FGD5: variants seen among roughly 807,000 people sequenced by gnomAD.
FGD5 encodes the protein FYVE, RhoGEF and PH domain-containing protein 5.
In FGD5, 28 loss-of-function variants were observed where a neutral mutation model predicts 133.4. The observed-to-expected ratio is 0.21, with a 90% confidence interval of 0.16 to 0.29. The LOEUF (loss-of-function observed/expected upper bound fraction) is 0.29, where lower values mean the gene tolerates loss of function less well. Among genes scored for constraint, FGD5 ranks in the 10% least tolerant of loss-of-function variants. The pLI is 1.00. For synonymous variants in FGD5, 810 were observed against 776.5 expected, an observed-to-expected ratio of 1.04 and a Z score of -0.72; for missense variants, 1,858 against 1,895.2, an observed-to-expected ratio of 0.98 and a Z score of 0.36.
At chr3:14,884,649 T>G (rs937221280) in intron 4 of FGD5, among the ~76,000 whole-genome samples, 53 of 152,282 alleles carry the variant, frequency 3.5e-4, no homozygotes, top group African/African-American at 1.2e-3. Flanking sequence ...ACTAGAAATT[T>G]CGACAGGGCA....
In FGD5 at chr3:14,922,077, G is replaced by A. The variant is rs974038167; in HGVS notation, c.3669+60G>A. 3.2e-5 allele frequency: 49 copies of A among 1,509,842 alleles called. No individual in the cohort carries two copies. The East Asian group carries it at 5.9e-4, about 18-fold the overall frequency. 93.5% of individuals were successfully genotyped at this position (1,509,842 alleles called of 1,614,324 possible). A position where few individuals can be genotyped will look rare whatever the true frequency, so the allele number is the denominator to read the frequency against. ...TTCAGAGACCTGGGGTTCCCTGGGC[G>A]GGCATTGCTGTTGCCACTCACACCC... On this transcript the variant is annotated intron_variant, in intron 14 of 19. Transcript: ENST00000285046. This position sits in a 1 kb window ranked among gnomAD's most constrained non-coding sequence, Gnocchi z 4.1.
At chr3:14,873,725 T>C (rs1412783468) in intron 2 of FGD5, among the ~76,000 whole-genome samples, 4 of 131,518 alleles carry the variant, frequency 3.0e-5, no homozygotes, top group African/African-American at 8.5e-5. Context: ...GAGCTACACT[T>C]TTTTTTTTCT....
chr3:14,837,946 GAC>G (rs1313082632), intron 1 of FGD5, among the ~76,000 whole-genome samples: 1 of 152,184 alleles, frequency 6.6e-6, no homozygotes, highest in African/African-American at 2.4e-5. Flanking sequence ...AGTGGCTTAA[GAC>G]AACATCTGTT....
chr3:14,891,579 G>A (rs2038028300), intron 4 of FGD5, among the ~76,000 whole-genome samples: 1 of 152,206 alleles, frequency 6.6e-6, no homozygotes, highest in Admixed American at 6.5e-5. Flanking sequence ...GACTGGGGCT[G>A]GCCAGTCTCG....
chr3:14,899,885 T>A (rs1212400223), intron 7 of FGD5, among the ~76,000 whole-genome samples: 2 of 152,070 alleles, frequency 1.3e-5, no homozygotes, highest in African/African-American at 4.8e-5. Flanking sequence ...CATATGAAGA[T>A]CTGAAGAGAG....
Position 14,820,828 on chromosome 3 carries a change from C to T in FGD5, c.1757C>T (p.Ser586Leu), listed in dbSNP as rs369751785. ...AGGAAAGAGGACAATCTCTCTCTGT[C>T]GTGTGTAATTGGCTCCTCTGGGAGT... ...IKRKEDNLSL[S>L]CVIGSSGSFS... is the part of the protein sequence containing the mutation. Residue 586 changes from serine to leucine, a missense_variant, in exon 1 of 20, where the codon TCG becomes TTG. Transcript: ENST00000285046. 1.9e-5 allele frequency: 31 copies of T among 1,613,738 alleles called. No homozygotes were observed. Among genetic ancestry groups the T allele is most frequent in the African/African-American group, 1.7e-4 (13 of 74,872 alleles).
intron 1 of FGD5, among the ~76,000 whole-genome samples, chr3:14,861,883 A>G (rs991389160): frequency 1.1e-4 from 17 of 152,174 alleles, no homozygotes; most frequent in African/African-American, 3.6e-4. Context: ...AGGGGACAGC[A>G]TGATCAGATT....
chr3:14,897,637 CCTGGAGGAG>C lies in FGD5; in HGVS notation c.2886_2894del (p.Leu963_Glu965del), dbSNP rs2038161963. 1 of 1,606,248 alleles carries C rather than the reference CCTGGAGGAG, an allele frequency of 6.2e-7. No individual in the cohort carries two copies. The highest frequency in any genetic ancestry group is 1.7e-5 in the Admixed American group (1 of 58,950). ...CCATCCACGACCTTCATCAAGGCAT[CCTGGAGGAG>C]CTGGAGGAAAGGCTGTCAAATTGGT... On this transcript the variant is annotated inframe_deletion, in exon 5 of 20. Transcript: ENST00000285046.
At chr3:14,879,959 G>T (rs2125117387) in intron 2 of FGD5, among the ~76,000 whole-genome samples, 1 of 152,292 alleles carries the variant, frequency 6.6e-6, no homozygotes, top group South Asian at 2.1e-4. Context: ...GGATATAAAG[G>T]TCATGCCATC....
chr3:14,823,582 GT>G, intron 1 of FGD5, among the ~76,000 whole-genome samples: 1 of 152,350 alleles, frequency 6.6e-6, no homozygotes, highest in Admixed American at 6.5e-5. Flanking sequence ...AGAGGAAACT[GT>G]GACACAGAGA....
At chr3:14,928,918 C>CT (rs1282509177) in intron 18 of FGD5, among the ~76,000 whole-genome samples, 86 of 151,292 alleles carry the variant, frequency 5.7e-4, no homozygotes, top group Admixed American at 3.5e-3. Flanking sequence ...GTTTTTGTAC[C>CT]TTTTTTTTGC....
In FGD5 at chr3:14,819,769, C is replaced by T. The variant is rs113314322; in HGVS notation, c.698C>T (p.Ser233Leu). ...GACCCAGCAGGGGCAGATGAGGGTTCGGGTCCTGACAGGCCCACGGAGGAC... is the reference window on the plus strand; with the variant it reads ...GACCCAGCAGGGGCAGATGAGGGTTTGGGTCCTGACAGGCCCACGGAGGAC... The part of the protein sequence containing the change: ...STDPAGADEG[S>L]GPDRPTEDMG... The change falls in exon 1 of 20, where the codon TCG becomes TTG. Residue 233 changes from serine (S) to leucine (L), a missense_variant. Around this residue, in one of 3 missense-constraint regions of FGD5, gnomAD observed 1,824 missense variants for 1,848.9 expected, o/e 0.99. Coordinates refer to ENST00000285046, the MANE Select transcript of FGD5 (RefSeq NM_152536.4). This position sits in a 1 kb window ranked among gnomAD's most constrained non-coding sequence, Gnocchi z 4.1. The T allele has an allele frequency of 1.5e-5, 23 of 1,546,004 alleles. No individual in the cohort carries two copies. Among genetic ancestry groups the T allele is most frequent in the African/African-American group, 2.7e-5 (2 of 73,246 alleles).
chr3:14,813,259 A>G (rs2036320793), intron 1 of FGD5, among the ~76,000 whole-genome samples: 1 of 152,206 alleles, frequency 6.6e-6, no homozygotes, highest in Non-Finnish European at 1.5e-5. Context: ...TGTGCCCAAG[A>G]TCACAGAGCT....
Position 14,922,501 on chromosome 3 carries a change from G to T in FGD5, c.3760G>T (p.Asp1254Tyr). Residue 1254 changes from aspartate to tyrosine, a missense_variant, in exon 15 of 20, where the codon GAC becomes TAC. By Grantham distance (160) the Asp-to-Tyr change is radical. Coordinates refer to ENST00000285046, the MANE Select transcript of FGD5 (RefSeq NM_152536.4). The surrounding 1 kb of genome is among the most constrained non-coding windows in gnomAD (Gnocchi z 4.1). ...HVMMCMNCGC[D>Y]FSLTLRRHHC... ...CATGATGTGCATGAACTGCGGCTGC[G>T]ACTTCTCCCTCACCCTGCGGCGTCA... 6.3e-7 allele frequency: 1 copy of T among 1,582,590 alleles called. No individual in the cohort carries two copies. The highest frequency in any genetic ancestry group is 8.6e-7 in the Non-Finnish European group (1 of 1,164,380).
chr3:14,907,947 A>G (rs1048322840), intron 10 of FGD5, among the ~76,000 whole-genome samples: 5 of 152,214 alleles, frequency 3.3e-5, no homozygotes, highest in African/African-American at 1.2e-4. Context: ...ACTCAGCGCC[A>G]GGTTTTTTCT....
chr3:14,930,331 C>A (rs2038881731), intron 18 of FGD5, among the ~76,000 whole-genome samples: 1 of 152,086 alleles, frequency 6.6e-6, no homozygotes, highest in African/African-American at 2.4e-5. Context: ...TGGAAAGGTG[C>A]CTACGCCTGT....
At chr3:14,879,090 TGAC>T (rs1488566752) in intron 2 of FGD5, among the ~76,000 whole-genome samples, 1 of 152,228 alleles carries the variant, frequency 6.6e-6, no homozygotes, top group African/African-American at 2.4e-5. Context: ...ATCACTCACT[TGAC>T]GAGTGGCTTC....
At chr3:14,901,786 G>A (rs2038244525) in intron 9 of FGD5, among the ~76,000 whole-genome samples, 1 of 152,228 alleles carries the variant, frequency 6.6e-6, no homozygotes, top group African/African-American at 2.4e-5. Flanking sequence ...GGCAGAAGAG[G>A]AAGGGAAATT....
chr3:14,855,298 A>G (rs1386749501), intron 1 of FGD5, among the ~76,000 whole-genome samples: 1 of 152,194 alleles, frequency 6.6e-6, no homozygotes, highest in Admixed American at 6.5e-5. Flanking sequence ...AGCTACTGTG[A>G]ATAGTGCTGC....
Sources: allele counts gnomAD v4.1 joint callset (sites outside exome capture counted in the v4.1 genomes callset), GRCh38; gene constraint gnomAD v4.1.1; regional missense constraint gnomAD v4.1.1; non-coding constraint Gnocchi (gnomAD v3.1); transcripts MANE v1.5; gene names NCBI Gene and HGNC (gene_info 2026-07-23, HGNC 2026-07-21).